The following TMEM132D variants were observed in gnomAD, a reference collection of about 807,000 sequenced individuals.
The protein encoded by TMEM132D is transmembrane protein 132D, also known as mature OL transmembrane protein.
TMEM132D carries 21 observed loss-of-function variants against 62.3 expected under a neutral mutation model. The observed-to-expected ratio is 0.34, with a 90% CI of 0.24 to 0.49. The LOEUF (loss-of-function observed/expected upper bound fraction) is 0.49. Among genes scored for constraint, TMEM132D ranks in the 20% least tolerant of loss-of-function variants. TMEM132D has a pLI of 0.99. For missense variants in TMEM132D, 1,346 were observed against 1,402.8 expected, an observed-to-expected ratio of 0.96 and a Z score of 0.65; for synonymous variants, 621 against 575.6, an observed-to-expected ratio of 1.08 and a Z score of -1.13.
At chr12:129,532,452 T>C (rs1876257084) in intron 2 of TMEM132D, among the ~76,000 whole-genome samples, 1 of 152,204 alleles carries the variant, frequency 6.6e-6, no homozygotes, top group South Asian at 2.1e-4. Flanking sequence ...ATGACACTCA[T>C]AGGACCAGGG....
rs188826514 is a variant in TMEM132D, at chr12:129,293,871, A to G, written c.1299+43763T>C. On this transcript the variant is annotated intron_variant, in intron 4 of 8. Coordinates refer to ENST00000422113, the MANE Select transcript of TMEM132D (RefSeq NM_133448.3). ...CTTCTGCTGTGTGGCCCGGTTCCTA[A>G]CCAGCCACGGACCAATACTGGTCCA... Among the ~76,000 whole-genome samples, 380 of 152,232 alleles carry G rather than the reference A, an allele frequency of 2.5e-3. 3 individuals carry two copies. The highest frequency in any genetic ancestry group is 8.6e-3 in the African/African-American group (359 of 41,544).
intron 4 of TMEM132D, among the ~76,000 whole-genome samples, chr12:129,297,027 C>T (rs116424598): frequency 6.6e-6 from 1 of 152,174 alleles, no homozygotes; most frequent in Non-Finnish European, 1.5e-5. Context: ...CTCTCTGCCT[C>T]TGGGTAAAAT....
chr12:129,448,152 A>G (rs1436816724), intron 3 of TMEM132D, among the ~76,000 whole-genome samples: 1 of 152,108 alleles, frequency 6.6e-6, no homozygotes, highest in African/African-American at 2.4e-5. Context: ...TTTATTCTTT[A>G]CAATCATACA....
chr12:129,893,809 A>G (rs2137396046), intron 1 of TMEM132D, among the ~76,000 whole-genome samples: 1 of 152,282 alleles, frequency 6.6e-6, no homozygotes, highest in Admixed American at 6.5e-5. Context: ...TTCAGCCTTC[A>G]CTCACACATC....
chr12:129,233,817 T>C (rs550529837), intron 4 of TMEM132D, among the ~76,000 whole-genome samples: 1 of 152,112 alleles, frequency 6.6e-6, no homozygotes, highest in African/African-American at 2.4e-5. Flanking sequence ...ATGATATTAT[T>C]ATTATTTTTT....
chr12:129,777,381 T>C (rs1226579368), intron 1 of TMEM132D, among the ~76,000 whole-genome samples: 2 of 152,182 alleles, frequency 1.3e-5, no homozygotes, highest in East Asian at 3.8e-4. Context: ...TAAAACAGAC[T>C]CTGCGTGGGA....
At chr12:129,418,194 G>C (rs949966217) in intron 3 of TMEM132D, among the ~76,000 whole-genome samples, 1 of 152,264 alleles carries the variant, frequency 6.6e-6, no homozygotes, top group African/African-American at 2.4e-5. Flanking sequence ...CATTTGACTT[G>C]GCAATCCCAT....
intron 3 of TMEM132D, among the ~76,000 whole-genome samples, chr12:129,488,316 C>A (rs1874652585): frequency 6.6e-6 from 1 of 152,204 alleles, no homozygotes; most frequent in Non-Finnish European, 1.5e-5. Context: ...ACCAGCCCTG[C>A]AGCTTCCTTT....
At chr12:129,177,029 C>T (rs1163593052) in intron 5 of TMEM132D, among the ~76,000 whole-genome samples, 1 of 152,188 alleles carries the variant, frequency 6.6e-6, no homozygotes, top group African/African-American at 2.4e-5. Context: ...TGGTGCATGG[C>T]TTGAAAATTC....
intron 3 of TMEM132D, among the ~76,000 whole-genome samples, chr12:129,338,355 A>T (rs905635162): frequency 6.6e-6 from 1 of 152,208 alleles, no homozygotes; most frequent in Admixed American, 6.5e-5. Flanking sequence ...GGTCGCTGTG[A>T]TGAGCATGGA....
At chr12:129,823,892 T>A (rs1297244752) in intron 1 of TMEM132D, among the ~76,000 whole-genome samples, 2 of 152,204 alleles carry the variant, frequency 1.3e-5, no homozygotes, top group Non-Finnish European at 2.9e-5. Context: ...TTATTGGTTT[T>A]AAATTGGGGG....
chr12:129,368,182 C>G (rs562882409), intron 3 of TMEM132D, among the ~76,000 whole-genome samples: 1 of 152,094 alleles, frequency 6.6e-6, no homozygotes, highest in African/African-American at 2.4e-5. Context: ...TGGCTCAAAG[C>G]TAAAGAAATG....
chr12:129,194,490 A>G (rs975124404), intron 5 of TMEM132D, among the ~76,000 whole-genome samples: 4 of 152,208 alleles, frequency 2.6e-5, no homozygotes, highest in African/African-American at 9.6e-5. Flanking sequence ...AGAGGAACAG[A>G]AAAGATCACT....
intron 5 of TMEM132D, among the ~76,000 whole-genome samples, chr12:129,179,964 G>T (rs951417101): frequency 2.0e-5 from 3 of 151,842 alleles, no homozygotes; most frequent in Non-Finnish European, 4.4e-5. Flanking sequence ...GGAGGCGGAG[G>T]TTCCTGGGAG....
At chr12:129,460,064 C>T (rs569164171) in intron 3 of TMEM132D, among the ~76,000 whole-genome samples, 37 of 152,260 alleles carry the variant, frequency 2.4e-4, no homozygotes, top group African/African-American at 8.4e-4. Flanking sequence ...GCAACAATGA[C>T]TCACTTTTGG....
intron 3 of TMEM132D, among the ~76,000 whole-genome samples, chr12:129,465,435 A>T (rs1873854251): frequency 6.6e-6 from 1 of 152,156 alleles, no homozygotes; most frequent in South Asian, 2.1e-4. Flanking sequence ...TAGTGTTGGA[A>T]GTTCTGGCCA....
chr12:129,086,261 T>C (rs1031433145), intron 5 of TMEM132D, among the ~76,000 whole-genome samples: 2 of 152,160 alleles, frequency 1.3e-5, no homozygotes, highest in African/African-American at 4.8e-5. Context: ...AAAATTCGTA[T>C]ATATTTAGGG....
At chr12:129,418,664 A>G (rs1022585373) in intron 3 of TMEM132D, among the ~76,000 whole-genome samples, 4 of 152,264 alleles carry the variant, frequency 2.6e-5, no homozygotes, top group Middle Eastern at 6.8e-3. Context: ...CCACCATGGC[A>G]CATGTATACC....
Position 129,707,529 on chromosome 12 carries a change from A to C in TMEM132D, c.80-6831T>G, listed in dbSNP as rs200987237. Among the ~76,000 whole-genome samples, 6 of 152,302 alleles carry C rather than the reference A, an allele frequency of 3.9e-5. No individual in the cohort carries two copies. In the East Asian group the frequency reaches 1.2e-3, roughly 29 times the overall value. On this transcript the variant is annotated intron_variant, in intron 1 of 8. Coordinates refer to ENST00000422113, the MANE Select transcript of TMEM132D (RefSeq NM_133448.3). ...ACTGCGCTCTCAATTTTTCTATAGAATATCTTATTTTTGTCTGCTTTATCA... is the reference window on the plus strand; with the variant it reads ...ACTGCGCTCTCAATTTTTCTATAGACTATCTTATTTTTGTCTGCTTTATCA...
Sources: gnomAD v4.1 joint callset for allele counts (sites outside exome capture counted in the v4.1 genomes callset) on GRCh38, gnomAD v4.1.1 for gene constraint, MANE v1.5 for transcripts, NCBI Gene and HGNC (gene_info 2026-07-23, HGNC 2026-07-21) for gene names.